The following FBXO11 variants were observed in gnomAD, a reference collection of about 807,000 sequenced individuals.
The protein encoded by FBXO11 is F-box protein 11, also known as F-box only protein 11.
In FBXO11, 13 loss-of-function variants were observed where a neutral mutation model predicts 117.0. The observed-to-expected ratio is 0.11, with a 90% CI of 0.07 to 0.18. FBXO11 has a LOEUF of 0.18. Ranked by LOEUF, FBXO11 falls within the 10% of genes least tolerant of loss-of-function variation. The probability of loss-of-function intolerance (pLI) is 1.00; values close to 1 mark genes in which losing one functional copy is unlikely to be tolerated. For missense variants in FBXO11, 767 were observed against 1,164.4 expected, an observed-to-expected ratio of 0.66 and a Z score of 4.97; for synonymous variants, 490 against 380.5, an observed-to-expected ratio of 1.29 and a Z score of -3.35.
At chr2:47,877,172 T>G (rs1355343781) in intron 1 of FBXO11, among the ~76,000 whole-genome samples, 1 of 151,834 alleles carries the variant, frequency 6.6e-6, no homozygotes, top group African/African-American at 2.4e-5. Context: ...GGACCACAGG[T>G]GTGCAGCACC....
At chr2:47,882,261 G>A (rs1234761169) in intron 1 of FBXO11, among the ~76,000 whole-genome samples, 3 of 152,070 alleles carry the variant, frequency 2.0e-5, no homozygotes, top group Non-Finnish European at 2.9e-5. Flanking sequence ...AATGTTGTTC[G>A]ACTGGGGTTG....
rs1239934712 is a variant in FBXO11, at chr2:47,832,889, T to C, written c.1042-9A>G. On this transcript the variant is annotated splice_polypyrimidine_tract_variant and intron_variant, in intron 8 of 22. Coordinates refer to ENST00000403359, the MANE Select transcript of FBXO11 (RefSeq NM_001190274.2). ...TTGTCATCAGGGTTAAACTGAAAAG[T>C]AAAAATTTTGTTTGAAATAAACAAT... 2 of 1,612,650 alleles carry C rather than the reference T, an allele frequency of 1.2e-6. No homozygotes were observed. Among genetic ancestry groups the C allele is most frequent in the East Asian group, 2.2e-5 (1 of 44,846 alleles).
chr2:47,852,997 T>C (rs1288749888), intron 1 of FBXO11, among the ~76,000 whole-genome samples: 1 of 152,224 alleles, frequency 6.6e-6, no homozygotes, highest in Non-Finnish European at 1.5e-5. Flanking sequence ...ATTGGATATA[T>C]TTATTAGGAG....
chr2:47,846,341 C>T (rs924373504), intron 1 of FBXO11, among the ~76,000 whole-genome samples: 3 of 152,152 alleles, frequency 2.0e-5, no homozygotes, highest in Admixed American at 2.0e-4. Context: ...GTGGCGCATG[C>T]CTGTAATCCC....
At position 47,834,819 on chromosome 2, in the gene FBXO11, G is replaced by T. The variant is rs765336522; in HGVS notation, c.770C>A (p.Pro257His). The change falls in exon 6 of 23, where the codon CCT (proline) becomes CAT (histidine). Residue 257 changes from proline to histidine, a missense_variant. Pro to His is a moderately conservative substitution (Grantham distance 77, BLOSUM62 -2). Transcript: ENST00000403359. ...ATTTTCTCTTCCTTTATATCTTGCA[G>T]GGTTACTGTAGAAATGTTCAGCAAA... ...PGFAEHFYSN[P>H]ARYKGRENML... The T allele has an allele frequency of 1.2e-6, 2 of 1,613,390 alleles. No individual in the cohort carries two copies. Among genetic ancestry groups the T allele is most frequent in the Non-Finnish European group, 1.7e-6 (2 of 1,179,764 alleles).
At chr2:47,844,253 C>A (rs1269306190) in intron 1 of FBXO11, among the ~76,000 whole-genome samples, 2 of 152,188 alleles carry the variant, frequency 1.3e-5, no homozygotes, top group Non-Finnish European at 2.9e-5. Flanking sequence ...TCCCTTCAAT[C>A]ATTTCACTCA....
At chr2:47,874,817 G>T (rs1675879017) in intron 1 of FBXO11, among the ~76,000 whole-genome samples, 1 of 150,496 alleles carries the variant, frequency 6.6e-6, no homozygotes, top group African/African-American at 2.5e-5. Context: ...TTATAGGCAT[G>T]TGCCACCATG....
intron 1 of FBXO11, among the ~76,000 whole-genome samples, chr2:47,878,354 G>T (rs890187105): frequency 2.0e-5 from 3 of 151,342 alleles, no homozygotes; most frequent in African/African-American, 7.3e-5. Flanking sequence ...CTTGCCTTTT[G>T]TTCTTTTTTT....
At chr2:47,825,782 G>A (rs772080355) in intron 11 of FBXO11, among the ~76,000 whole-genome samples, 8 of 151,712 alleles carry the variant, frequency 5.3e-5, no homozygotes, top group African/African-American at 1.7e-4. Context: ...TCATCATGTC[G>A]CCCAGGCTGG....
At chr2:47,833,885 C>A (rs1672356777) in intron 7 of FBXO11, among the ~76,000 whole-genome samples, 1 of 151,652 alleles carries the variant, frequency 6.6e-6, no homozygotes, top group Non-Finnish European at 1.5e-5. Flanking sequence ...CCAGGCCAGT[C>A]TTTAACTCCT....
chr2:47,841,990 G>A (rs1221409013), intron 1 of FBXO11, among the ~76,000 whole-genome samples: 2 of 151,386 alleles, frequency 1.3e-5, no homozygotes, highest in East Asian at 2.0e-4. Flanking sequence ...TGCTTTTAGT[G>A]GGGAAGGAGG....
At chr2:47,865,414 T>C (rs1675121653) in intron 1 of FBXO11, among the ~76,000 whole-genome samples, 1 of 152,228 alleles carries the variant, frequency 6.6e-6, no homozygotes, top group Non-Finnish European at 1.5e-5. Context: ...CTTCACCCTT[T>C]CTGCTTCCTG....
chr2:47,835,723 C>T, intron 5 of FBXO11, 149 bp downstream of exon 5: 1 of 456,046 alleles, frequency 2.2e-6, no homozygotes, highest in East Asian at 4.3e-5. Flanking sequence ...GTCTCGAACT[C>T]CTGACCTCAG....
At position 47,840,489 on chromosome 2, in the gene FBXO11, C is replaced by T. The variant is rs1251494179; in HGVS notation, c.233-720G>A. 2.4e-4 allele frequency among the ~76,000 whole-genome samples: 35 copies of T among 146,714 alleles called. 1 individual carries two copies. Among genetic ancestry groups the T allele is most frequent in the African/African-American group, 8.8e-4 (35 of 39,714 alleles). On this transcript the variant is annotated intron_variant, in intron 1 of 22. Transcript: ENST00000403359. Reference sequence around the variant, plus strand: ...TTTTGGAGATAGGGTCTCATTCTGTCACCCAGGCTGGAGTGCAGTGGCCCG... The same window carrying T: ...TTTTGGAGATAGGGTCTCATTCTGTTACCCAGGCTGGAGTGCAGTGGCCCG...
In FBXO11 at chr2:47,905,692, C is replaced by T; in HGVS notation, c.29G>A (p.Arg10Lys). The T allele has an allele frequency of 1.3e-6, 2 of 1,520,226 alleles. No individual in the cohort carries two copies. The highest frequency in any genetic ancestry group is 1.8e-6 in the Non-Finnish European group (2 of 1,136,140). 94.2% of individuals were successfully genotyped at this position (1,520,226 alleles called of 1,614,324 possible). MNSVRAANRRPRRVSRPRPV... is the reference protein window; with the variant it reads MNSVRAANRKPRRVSRPRPV... ...GCGCGGCCGCGACACTCGCCTGGGT[C>T]TCCGGTTGGCGGCTCGGACGGAGTT... The change falls in exon 1 of 23, where the codon AGA becomes AAA. Residue 10 changes from arginine to lysine, a missense_variant. Transcript: ENST00000403359.
chr2:47,895,876 T>C (rs966443615), intron 1 of FBXO11, among the ~76,000 whole-genome samples: 7 of 152,082 alleles, frequency 4.6e-5, no homozygotes, highest in African/African-American at 1.4e-4. Context: ...TCTGTATTTT[T>C]AGTAGAGACA....
chr2:47,809,380 A>C, intron 20 of FBXO11, 114 bp from the exon 21 acceptor site: 2 of 733,944 alleles, frequency 2.7e-6, no homozygotes, highest in Non-Finnish European at 4.4e-6. Context: ...CTTTAAATGA[A>C]GCTAACCAAT....
intron 1 of FBXO11, among the ~76,000 whole-genome samples, chr2:47,888,010 T>C (rs907361983): frequency 1.3e-5 from 2 of 151,624 alleles, no homozygotes; most frequent in African/African-American, 2.4e-5. Context: ...GAGTGAAACC[T>C]TGTCTGAAAA....
At chr2:47,822,959 A>C (rs1029093286) in intron 12 of FBXO11, among the ~76,000 whole-genome samples, 184 bp downstream of exon 12, 4 of 152,220 alleles carry the variant, frequency 2.6e-5, no homozygotes, top group Non-Finnish European at 5.9e-5. Context: ...AAAAATAAAA[A>C]CACCAAAAAA....
Sources: allele counts gnomAD v4.1 joint callset (sites outside exome capture counted in the v4.1 genomes callset), GRCh38; gene constraint gnomAD v4.1.1; transcripts MANE v1.5; gene names NCBI Gene and HGNC (gene_info 2026-07-23, HGNC 2026-07-21).